NBAS: variants seen among roughly 807,000 people sequenced by gnomAD.
NBAS encodes the protein NBAS subunit of NRZ tethering complex.
NBAS carries 219 observed loss-of-function variants against 302.5 expected under a neutral mutation model. The observed-to-expected ratio is 0.72, with a 90% confidence interval of 0.65 to 0.81. The LOEUF (loss-of-function observed/expected upper bound fraction) is 0.81, where lower values mean the gene tolerates loss of function less well. NBAS is among the 30% of genes least tolerant of loss of function. The pLI is 0.00. For missense variants in NBAS, 2,932 were observed against 2,841.6 expected (o/e 1.03, Z -0.72); for synonymous variants, 1,118 against 1,021.6 (o/e 1.09, Z -1.80).
the NBAS span, among the ~76,000 whole-genome samples, chr2:14,848,831 G>C: frequency 2.6e-5 from 4 of 150,988 alleles, no homozygotes; most frequent in Admixed American, 2.6e-4. Flanking sequence ...CACCTCACAC[G>C]GCAGGGTATT....
Position 15,258,702 on chromosome 2 carries a change from A to C in NBAS, c.5724+16782T>G, listed in dbSNP as rs191426394. On this transcript the variant is annotated intron_variant, in intron 44 of 51. Coordinates refer to ENST00000281513, the MANE Select transcript of NBAS (RefSeq NM_015909.4). The stretch of plus-strand genomic sequence containing the variant: ...CTCGAACCCTGTTTTCTGTTGTTTA[A>C]GATGTTTATCAAGACAATACGTGCA... Among the ~76,000 whole-genome samples, 560 of 152,246 alleles carry C rather than the reference A, an allele frequency of 3.7e-3. 3 individuals are homozygous for C. Among genetic ancestry groups the C allele is most frequent in the African/African-American group, 0.013 (541 of 41,546 alleles).
chr2:15,124,518 C>T, the NBAS span, among the ~76,000 whole-genome samples: 20,728 of 152,188 alleles, frequency 0.14, 2,683 homozygotes, highest in African/African-American at 0.33. Flanking sequence ...CAAGTCCTAA[C>T]ATCCAAGACA....
At chr2:14,840,966 C>T in the NBAS span, among the ~76,000 whole-genome samples, 1 of 151,996 alleles carries the variant, frequency 6.6e-6, no homozygotes, top group East Asian at 1.9e-4. Flanking sequence ...AACAATATAC[C>T]TCCAGCAACA....
intron 28 of NBAS, chr2:15,393,785 G>A: frequency 2.1e-6 from 1 of 465,148 alleles, no homozygotes; most frequent in Non-Finnish European, 4.4e-6. Flanking sequence ...ATAAACTACT[G>A]ATTCATGACA....
At chr2:15,160,742 C>T in the NBAS span, among the ~76,000 whole-genome samples, 6 of 152,134 alleles carry the variant, frequency 3.9e-5, no homozygotes, top group Admixed American at 2.0e-4. Context: ...TAAATTTTGG[C>T]GCACAGATTG....
intron 30 of NBAS, among the ~76,000 whole-genome samples, chr2:15,377,642 T>C (rs973414669): frequency 6.6e-6 from 1 of 152,178 alleles, no homozygotes; most frequent in African/African-American, 2.4e-5. Flanking sequence ...GCTGTGTTCT[T>C]AACCTCTACA....
the NBAS span, among the ~76,000 whole-genome samples, chr2:14,811,220 C>A: frequency 2.2e-4 from 33 of 152,232 alleles, no homozygotes; most frequent in Admixed American, 9.8e-4. Context: ...CCAGCCTTGG[C>A]AACATAATGA....
chr2:15,265,353 C>A (rs976222176), intron 44 of NBAS, among the ~76,000 whole-genome samples: 12 of 152,184 alleles, frequency 7.9e-5, no homozygotes, highest in African/African-American at 2.2e-4. Flanking sequence ...ATCTGACCCT[C>A]AGACCAGAGA....
the NBAS span, among the ~76,000 whole-genome samples, chr2:14,822,235 T>C: frequency 6.6e-6 from 1 of 152,172 alleles, no homozygotes; most frequent in Non-Finnish European, 1.5e-5. Context: ...TTTCTTGTTT[T>C]TACTATTGCC....
chr2:15,488,782 G>T, intron 12 of NBAS, 112 bp downstream of exon 12: 1 of 1,362,222 alleles, frequency 7.3e-7, no homozygotes, highest in Non-Finnish European at 1.0e-6. Flanking sequence ...GAAGAGCTTT[G>T]GAACGATGAG....
intron 40 of NBAS, among the ~76,000 whole-genome samples, chr2:15,296,830 C>A (rs1374794352): frequency 6.6e-6 from 1 of 152,020 alleles, no homozygotes; most frequent in African/African-American, 2.4e-5. Flanking sequence ...AGAATGAGAT[C>A]CTGATCTCAA....
At chr2:14,792,298 C>T in the NBAS span, among the ~76,000 whole-genome samples, 2 of 152,188 alleles carry the variant, frequency 1.3e-5, no homozygotes, top group African/African-American at 4.8e-5. Flanking sequence ...TGCCTTAATA[C>T]ACCTAAGCTA....
the NBAS span, among the ~76,000 whole-genome samples, chr2:14,922,387 A>G: frequency 2.0e-5 from 3 of 152,212 alleles, no homozygotes; most frequent in African/African-American, 4.8e-5. Context: ...TGCCAGAACA[A>G]AATATCACAG....
rs375982561 is a variant in NBAS, at chr2:15,309,175, G to C, written c.4655C>G (p.Pro1552Arg). The change falls in exon 39 of 52, where the codon CCA becomes CGA. Residue 1552 changes from proline to arginine, a missense_variant. By Grantham distance (103) the Pro-to-Arg change is moderately radical. Transcript: ENST00000281513. ...CATTGGTAAGGGCAAACTTACTTGT[G>C]GTAAGGCAAGAAGGTAAGCAAGAGC... Reference protein sequence around the residue: ...TLALAYLLALPQVLDANRCFE... With the variant: ...TLALAYLLALRQVLDANRCFE... 1.5e-5 allele frequency: 24 copies of C among 1,611,924 alleles called. No homozygotes were observed. The highest frequency in any genetic ancestry group is 1.7e-5 in the Non-Finnish European group (20 of 1,178,586).
At chr2:15,289,821 C>A (rs1670220935) in intron 41 of NBAS, among the ~76,000 whole-genome samples, 1 of 152,066 alleles carries the variant, frequency 6.6e-6, no homozygotes, top group African/African-American at 2.4e-5. Context: ...TACGGTGAAA[C>A]CCTGTCTCTA....
the NBAS span, among the ~76,000 whole-genome samples, chr2:14,940,608 C>G: frequency 6.6e-6 from 1 of 152,202 alleles, no homozygotes; most frequent in Non-Finnish European, 1.5e-5. Context: ...GACAACTCAC[C>G]AGGCTTGGTG....
At chr2:15,285,069 G>T (rs1669978241) in intron 42 of NBAS, among the ~76,000 whole-genome samples, 1 of 152,098 alleles carries the variant, frequency 6.6e-6, no homozygotes, top group Admixed American at 6.6e-5. Context: ...TAAAATGCCA[G>T]GATATTTTTA....
At chr2:15,227,339 T>C (rs962058532) in intron 47 of NBAS, among the ~76,000 whole-genome samples, 4 of 151,862 alleles carry the variant, frequency 2.6e-5, no homozygotes, top group Non-Finnish European at 5.9e-5. Flanking sequence ...AAAACACTGA[T>C]GAAAAAATGG....
the NBAS span, among the ~76,000 whole-genome samples, chr2:15,043,505 C>T: frequency 2.6e-5 from 4 of 152,174 alleles, no homozygotes; most frequent in African/African-American, 7.2e-5. Context: ...GGCCAGGACA[C>T]AGGACTGTCC....
Sources: allele counts gnomAD v4.1 joint callset (sites outside exome capture counted in the v4.1 genomes callset), GRCh38; gene constraint gnomAD v4.1.1; transcripts MANE v1.5; gene names NCBI Gene and HGNC (gene_info 2026-07-23, HGNC 2026-07-21).